The following PIK3CB variants were observed in gnomAD, a reference collection of about 807,000 sequenced individuals.
PIK3CB encodes the protein phosphatidylinositol 4,5-bisphosphate 3-kinase catalytic subunit beta isoform.
PIK3CB carries 39 observed loss-of-function variants against 136.8 expected under a neutral mutation model. The observed-to-expected ratio is 0.29, with a 90% CI of 0.22 to 0.37. PIK3CB has a LOEUF of 0.37. Ranked by LOEUF, PIK3CB falls within the 10% of genes least tolerant of loss-of-function variation. The pLI, the probability that PIK3CB is intolerant of heterozygous loss-of-function variation, is 1.00. For missense variants in PIK3CB, 868 were observed against 1,275.4 expected (o/e 0.68, Z 4.87); for synonymous variants, 428 against 436.6 (o/e 0.98, Z 0.25).
In PIK3CB at chr3:138,802,338, C is replaced by A. The variant is rs138042448; in HGVS notation, c.-121-5771G>T. 1.4e-3 allele frequency among the ~76,000 whole-genome samples: 212 copies of A among 150,896 alleles called. 4 individuals carry two copies. The East Asian group carries it at 0.041, about 29-fold the overall frequency. ...GAGGTTGCAGTGAGCCGAGATCGCG[C>A]CATTGCACTCCAGCCTGTGTGACAG... On this transcript the variant is annotated intron_variant, in intron 1 of 23. Coordinates refer to ENST00000674063, the MANE Select transcript of PIK3CB (RefSeq NM_006219.3).
At chr3:138,821,190 C>G (rs565019027) in intron 1 of PIK3CB, among the ~76,000 whole-genome samples, 65 of 151,792 alleles carry the variant, frequency 4.3e-4, no homozygotes, top group African/African-American at 1.5e-3. Context: ...GAGGCTGAGG[C>G]AGGAGATCCC....
intron 8 of PIK3CB, among the ~76,000 whole-genome samples, chr3:138,717,459 T>C (rs2044636181): frequency 6.6e-6 from 1 of 152,000 alleles, no homozygotes; most frequent in Admixed American, 6.6e-5. Flanking sequence ...TATACAGACA[T>C]AACAGCAAAA....
At chr3:138,681,535 T>G (rs1306094323) in intron 19 of PIK3CB, among the ~76,000 whole-genome samples, 1 of 152,168 alleles carries the variant, frequency 6.6e-6, no homozygotes, top group Non-Finnish European at 1.5e-5. Context: ...CTACCCCTAT[T>G]GATGGTGGCA....
chr3:138,734,187 T>G (rs778071925), intron 7 of PIK3CB, among the ~76,000 whole-genome samples: 1 of 152,148 alleles, frequency 6.6e-6, no homozygotes, highest in Non-Finnish European at 1.5e-5. Flanking sequence ...AAAACAATAG[T>G]GCCCTTCATA....
At chr3:138,736,948 A>G (rs764933382) in intron 6 of PIK3CB, among the ~76,000 whole-genome samples, 7 of 152,310 alleles carry the variant, frequency 4.6e-5, no homozygotes, top group Middle Eastern at 3.4e-3. Context: ...AATTCAATGG[A>G]TGACCATTTA....
chr3:138,686,212 G>A (rs1425641360), intron 16 of PIK3CB, among the ~76,000 whole-genome samples: 1 of 151,746 alleles, frequency 6.6e-6, no homozygotes. Flanking sequence ...GCTGAAGTGG[G>A]CGGATCACTT....
intron 10 of PIK3CB, 97 bp from the exon 11 acceptor site, chr3:138,707,386 A>T: frequency 6.9e-7 from 1 of 1,448,062 alleles, no homozygotes; most frequent in Non-Finnish European, 9.0e-7. Context: ...ATCACCTTAG[A>T]AGTATGTCAA....
At chr3:138,779,902 C>A (rs764396292) in intron 2 of PIK3CB, among the ~76,000 whole-genome samples, 73 of 152,090 alleles carry the variant, frequency 4.8e-4, no homozygotes, top group Non-Finnish European at 1.1e-3. Flanking sequence ...ACAAGTTAAT[C>A]TCTAAAATTA....
intron 1 of PIK3CB, among the ~76,000 whole-genome samples, chr3:138,802,943 G>A (rs1324528604): frequency 2.0e-5 from 3 of 152,094 alleles, no homozygotes; most frequent in African/African-American, 2.4e-5. Flanking sequence ...TGAATAAAGC[G>A]GAGTTTCCCA....
intron 21 of PIK3CB, among the ~76,000 whole-genome samples, chr3:138,659,843 A>G (rs2043258394): frequency 7.4e-6 from 1 of 134,308 alleles, no homozygotes; most frequent in African/African-American, 2.8e-5. Context: ...TTATTTGCTT[A>G]GTAAGTGCCC....
intron 13 of PIK3CB, among the ~76,000 whole-genome samples, chr3:138,697,591 T>C (rs567523251): frequency 1.3e-5 from 2 of 152,142 alleles, no homozygotes; most frequent in East Asian, 3.9e-4. Context: ...CACCACCATG[T>C]CTGGTTAATT....
intron 11 of PIK3CB, 64 bp from the exon 12 acceptor site, chr3:138,704,557 T>C (rs1158613402): frequency 1.5e-5 from 15 of 1,002,800 alleles, no homozygotes; most frequent in Non-Finnish European, 2.4e-5. Flanking sequence ...TAAGTGTAAA[T>C]GACTACATTT....
At chr3:138,803,112 G>GATTCTAAAGGGCATCTTAAACTGTAAAC (rs2046195185) in intron 1 of PIK3CB, among the ~76,000 whole-genome samples, 1 of 152,328 alleles carries the variant, frequency 6.6e-6, no homozygotes, top group Admixed American at 6.5e-5. Flanking sequence ...AAGGAAAGCA[G>GATTCTAAAGGGCATCTTAAACTGTAAAC]ATTCTAAAGG....
At chr3:138,809,203 G>A (rs1322370898) in intron 1 of PIK3CB, among the ~76,000 whole-genome samples, 4 of 151,880 alleles carry the variant, frequency 2.6e-5, no homozygotes, top group African/African-American at 9.7e-5. Flanking sequence ...GTTTGAACCC[G>A]AGAGGCGGAG....
At chr3:138,687,829 G>A (rs1370947065) in intron 16 of PIK3CB, among the ~76,000 whole-genome samples, 1 of 152,134 alleles carries the variant, frequency 6.6e-6, no homozygotes, top group Non-Finnish European at 1.5e-5. Flanking sequence ...AGGGAAACAC[G>A]GGGTACAATT....
chr3:138,729,734 C>T (rs114754376), intron 8 of PIK3CB, among the ~76,000 whole-genome samples: 1,719 of 152,250 alleles, frequency 0.011, 15 homozygotes, highest in Non-Finnish European at 0.017. Context: ...CAACCACTGG[C>T]TCTCTTGGGT....
chr3:138,724,343 C>A (rs937481406), intron 8 of PIK3CB, among the ~76,000 whole-genome samples: 5 of 152,106 alleles, frequency 3.3e-5, no homozygotes, highest in African/African-American at 2.4e-5. Flanking sequence ...CAGAAGGGTT[C>A]CAAGTGCAGA....
At chr3:138,748,488 G>A (rs1332740945) in intron 4 of PIK3CB, among the ~76,000 whole-genome samples, 1 of 151,968 alleles carries the variant, frequency 6.6e-6, no homozygotes, top group African/African-American at 2.4e-5. Context: ...TCATCTGAGT[G>A]GTCTTTGTTT....
At chr3:138,703,402 A>G (rs1246988109) in intron 12 of PIK3CB, among the ~76,000 whole-genome samples, 3 of 152,216 alleles carry the variant, frequency 2.0e-5, no homozygotes, top group Non-Finnish European at 4.4e-5. Flanking sequence ...CCTAGTCTCT[A>G]TAACACTGCC....
Sources: gnomAD v4.1 joint callset for allele counts (sites outside exome capture counted in the v4.1 genomes callset) on GRCh38, gnomAD v4.1.1 for gene constraint, MANE v1.5 for transcripts, NCBI Gene and HGNC (gene_info 2026-07-23, HGNC 2026-07-21) for gene names.